TMC1: variants seen among roughly 807,000 people sequenced by gnomAD.
The protein encoded by TMC1 is transmembrane channel like 1, also known as transmembrane channel-like protein 1.
TMC1 carries 84 observed loss-of-function variants against 105.8 expected under a neutral mutation model. The ratio of observed to expected loss-of-function variants is 0.79; its 90% CI spans 0.67 to 0.95. The LOEUF is 0.95. Ranked by LOEUF, TMC1 falls within the 40% of genes least tolerant of loss-of-function variation. The pLI, the probability that TMC1 is intolerant of heterozygous loss-of-function variation, is 0.00. For missense variants in TMC1, 817 were observed against 914.1 expected (o/e 0.89, Z 1.37); for synonymous variants, 315 against 311.5 (o/e 1.01, Z -0.12).
At chr9:72,554,700 C>T (rs1823903535) in intron 1 of TMC1, among the ~76,000 whole-genome samples, 1 of 152,092 alleles carries the variant, frequency 6.6e-6, no homozygotes, top group South Asian at 2.1e-4. Flanking sequence ...TTTGTGGATG[C>T]CACTTTCTCA....
intron 10 of TMC1, among the ~76,000 whole-genome samples, chr9:72,743,007 G>C (rs1227431928): frequency 3.9e-5 from 6 of 152,184 alleles, no homozygotes; most frequent in Non-Finnish European, 7.4e-5. Flanking sequence ...AGGTTGAGGT[G>C]TGCAGATCAC....
intron 13 of TMC1, among the ~76,000 whole-genome samples, chr9:72,785,680 C>T (rs1053137566): frequency 6.6e-6 from 1 of 152,124 alleles, no homozygotes; most frequent in African/African-American, 2.4e-5. Flanking sequence ...CAGGATGCAT[C>T]CACACTAAAC....
intron 23 of TMC1, among the ~76,000 whole-genome samples, chr9:72,834,192 T>C (rs1036096445): frequency 3.3e-5 from 5 of 152,228 alleles, no homozygotes; most frequent in African/African-American, 1.2e-4. Context: ...TGTTTTGTTC[T>C]TTAATTCTTC....
intron 5 of TMC1, chr9:72,655,772 A>G (rs1825874646): frequency 1.8e-6 from 1 of 553,402 alleles, no homozygotes; most frequent in Non-Finnish European, 3.3e-6. Context: ...AAGATTACTG[A>G]TGCTTGTTTC....
In TMC1 at chr9:72,792,027, G is replaced by A. The variant is rs763255951; in HGVS notation, c.1366G>A (p.Val456Ile). Residue 456 changes from valine (V) to isoleucine (I), a missense_variant, in exon 16 of 24, where the codon GTA becomes ATA. Val to Ile is a conservative substitution (Grantham distance 29). Coordinates refer to ENST00000297784, the MANE Select transcript of TMC1 (RefSeq NM_138691.3). ...TGCTCTTCTTTTAGGCAATTTATAC[G>A]TATTTATTCTTGCATTAATGGATGA... ...IFALLLGNLY[V>I]FILALMDEIN... 11 of 1,614,050 alleles carry A rather than the reference G, an allele frequency of 6.8e-6. No homozygotes were observed. The highest frequency in any genetic ancestry group is 2.2e-5 in the East Asian group (1 of 44,866).
intron 12 of TMC1, among the ~76,000 whole-genome samples, chr9:72,770,582 C>T (rs1402174499): frequency 6.6e-6 from 1 of 150,768 alleles, no homozygotes; most frequent in Non-Finnish European, 1.5e-5. Flanking sequence ...CCATGTCTGG[C>T]TGATATATAT....
chr9:72,623,744 C>A (rs1825296822), intron 3 of TMC1, among the ~76,000 whole-genome samples: 1 of 152,098 alleles, frequency 6.6e-6, no homozygotes, highest in Non-Finnish European at 1.5e-5. Context: ...CGTTTTCTTC[C>A]CAAGCTGGTG....
intron 21 of TMC1, among the ~76,000 whole-genome samples, chr9:72,828,057 G>A (rs1293710864): frequency 6.6e-6 from 1 of 152,162 alleles, no homozygotes; most frequent in Non-Finnish European, 1.5e-5. Flanking sequence ...GAGTAAAATG[G>A]TCATAGAAGG....
chr9:72,656,249 C>T, intron 5 of TMC1: 1 of 437,058 alleles, frequency 2.3e-6, no homozygotes, highest in Non-Finnish European at 4.4e-6. Flanking sequence ...AGTGGTGAGT[C>T]AGGAGCAGGT....
chr9:72,775,179 C>T (rs1827987477), intron 13 of TMC1, among the ~76,000 whole-genome samples: 1 of 152,126 alleles, frequency 6.6e-6, no homozygotes, highest in Non-Finnish European at 1.5e-5. Context: ...CAGTCCCCAA[C>T]AAACATGGAT....
At chr9:72,774,132 T>A (rs1183917477) in intron 13 of TMC1, among the ~76,000 whole-genome samples, 1 of 152,128 alleles carries the variant, frequency 6.6e-6, no homozygotes. Context: ...ACATTATAGA[T>A]CCCCAAAACA....
At chr9:72,552,786 A>C (rs1823877951) in intron 1 of TMC1, among the ~76,000 whole-genome samples, 1 of 152,052 alleles carries the variant, frequency 6.6e-6, no homozygotes. Context: ...GCATATTGTG[A>C]TTGTTTCTGT....
At chr9:72,762,372 G>A (rs1041543636) in intron 12 of TMC1, among the ~76,000 whole-genome samples, 43 of 152,186 alleles carry the variant, frequency 2.8e-4, no homozygotes. Flanking sequence ...AAGGAGAGCT[G>A]AGCAGCACGC....
intron 4 of TMC1, among the ~76,000 whole-genome samples, chr9:72,647,096 CAT>C (rs1825726363): frequency 7.0e-6 from 1 of 142,978 alleles, no homozygotes; most frequent in Admixed American, 7.2e-5. Flanking sequence ...GAGCTGAGAG[CAT>C]GCCACTGCAC....
chr9:72,589,106 T>C (rs1564429202), intron 2 of TMC1, among the ~76,000 whole-genome samples: 1 of 152,172 alleles, frequency 6.6e-6, no homozygotes, highest in Non-Finnish European at 1.5e-5. Flanking sequence ...GTTTGGGGAA[T>C]GAGCTTTCTG....
intron 5 of TMC1, among the ~76,000 whole-genome samples, chr9:72,675,088 T>G (rs904252932): frequency 6.6e-6 from 1 of 152,138 alleles, no homozygotes; most frequent in Non-Finnish European, 1.5e-5. Flanking sequence ...CTCTCTCTCA[T>G]GCACACACAC....
intron 12 of TMC1, among the ~76,000 whole-genome samples, chr9:72,755,965 G>A (rs1827670714): frequency 6.6e-6 from 1 of 152,184 alleles, no homozygotes; most frequent in Admixed American, 6.5e-5. Flanking sequence ...AATCCTGAGT[G>A]AGGGGGATGA....
chr9:72,770,262 G>A (rs971838383), intron 12 of TMC1, among the ~76,000 whole-genome samples: 29 of 149,284 alleles, frequency 1.9e-4, no homozygotes, highest in African/African-American at 6.6e-4. Context: ...TAGAAGATAT[G>A]TATACACACA....
chr9:72,590,233 C>T (rs1445867659), intron 2 of TMC1, among the ~76,000 whole-genome samples: 1 of 152,220 alleles, frequency 6.6e-6, no homozygotes, highest in Non-Finnish European at 1.5e-5. Context: ...TGATCTCTGG[C>T]TTCTCCCACA....
Sources: gnomAD v4.1 joint callset for allele counts (sites outside exome capture counted in the v4.1 genomes callset) on GRCh38, gnomAD v4.1.1 for gene constraint, MANE v1.5 for transcripts, NCBI Gene and HGNC (gene_info 2026-07-23, HGNC 2026-07-21) for gene names.